The following STOX2 variants were observed in gnomAD, a reference collection of about 807,000 sequenced individuals.
STOX2 encodes the protein storkhead box 2.
In STOX2, 28 loss-of-function variants were observed where a neutral mutation model predicts 60.9. The observed-to-expected ratio is 0.46, with a 90% CI of 0.34 to 0.63. The LOEUF is 0.63. Among genes scored for constraint, STOX2 ranks in the 30% least tolerant of loss-of-function variants. The pLI, the probability that STOX2 is intolerant of heterozygous loss-of-function variation, is 0.01. For synonymous variants in STOX2, 472 were observed against 463.9 expected (o/e 1.02, Z -0.22); for missense variants, 1,024 against 1,187.7 (o/e 0.86, Z 2.03).
Position 183,821,551 on chromosome 4 carries a change from C to T in STOX2, c.364+23496C>T, listed in dbSNP as rs1485012018. On this transcript the variant is annotated intron_variant, in intron 1 of 2. Coordinates refer to the STOX2 transcript ENST00000513034. This position sits in a 1 kb window ranked among gnomAD's most constrained non-coding sequence, Gnocchi z 4.2. ...GCGAAGGTCATTGCTCACAGCTCCCCATCTTGCTGTGTCCTTTGTTCTGAT... is the reference window on the plus strand; with the variant it reads ...GCGAAGGTCATTGCTCACAGCTCCCTATCTTGCTGTGTCCTTTGTTCTGAT... Among the ~76,000 whole-genome samples the T allele has an allele frequency of 1.3e-5, 2 of 152,238 alleles. No homozygotes were observed. Among genetic ancestry groups the T allele is most frequent in the African/African-American group, 2.4e-5 (1 of 41,468 alleles).
chr4:183,920,064 G>A (rs549003988), intron 1 of STOX2, among the ~76,000 whole-genome samples: 19 of 152,052 alleles, frequency 1.2e-4, no homozygotes, highest in African/African-American at 3.1e-4. Context: ...CATACTCATC[G>A]GTATACTTTT....
intron 1 of STOX2, among the ~76,000 whole-genome samples, chr4:183,857,311 TA>T (rs1740313584): frequency 3.2e-5 from 4 of 125,444 alleles, no homozygotes; most frequent in Admixed American, 8.4e-5. Context: ...CAGGACTGGT[TA>T]TCCTGCAGTA....
At chr4:183,849,742 T>C (rs1740070868) in intron 1 of STOX2, among the ~76,000 whole-genome samples, 1 of 152,044 alleles carries the variant, frequency 6.6e-6, no homozygotes, top group Non-Finnish European at 1.5e-5. Flanking sequence ...TGGAGTGAGA[T>C]TGCGAAGGGA....
At chr4:183,918,465 G>A (rs1309149511) in intron 1 of STOX2, among the ~76,000 whole-genome samples, 1 of 152,212 alleles carries the variant, frequency 6.6e-6, no homozygotes, top group Non-Finnish European at 1.5e-5. Context: ...TTCAGTTGAA[G>A]GTAAAGGAGA....
At chr4:183,815,094 G>A (rs1739121620) in intron 1 of STOX2, among the ~76,000 whole-genome samples, 1 of 152,080 alleles carries the variant, frequency 6.6e-6, no homozygotes, top group Admixed American at 6.6e-5. Context: ...CCTGGCTCAG[G>A]TGATCCTCTG....
At position 183,828,165 on chromosome 4, in the gene STOX2, C is replaced by T. The variant is rs563721786; in HGVS notation, c.364+30110C>T. On this transcript the variant is annotated intron_variant, in intron 1 of 2. Coordinates refer to the STOX2 transcript ENST00000513034. ...TTTATTCAGCAAATGTTTATTGTGC[C>T]CATGTTTGCAAGGCACGGTTTGAGG... is the stretch of plus-strand genomic sequence containing the variant. Among the ~76,000 whole-genome samples the T allele has an allele frequency of 1.1e-4, 17 of 152,166 alleles. 1 individual carries two copies. The highest frequency in any genetic ancestry group is 4.1e-4 in the African/African-American group (17 of 41,516).
At chr4:183,850,957 G>T (rs1295138307) in intron 1 of STOX2, among the ~76,000 whole-genome samples, 2 of 136,596 alleles carry the variant, frequency 1.5e-5, no homozygotes, top group African/African-American at 5.4e-5. Flanking sequence ...TGAGGGAAAC[G>T]ATGAGGGAAA....
chr4:183,912,566 T>C (rs1036457582), intron 1 of STOX2, among the ~76,000 whole-genome samples: 1 of 152,182 alleles, frequency 6.6e-6, no homozygotes, highest in African/African-American at 2.4e-5. Flanking sequence ...TATGCCCCCT[T>C]CTCTTGCATC....
chr4:183,814,790 C>T (rs537540023), intron 1 of STOX2, among the ~76,000 whole-genome samples: 12 of 152,264 alleles, frequency 7.9e-5, no homozygotes, highest in Non-Finnish European at 1.8e-4. Context: ...TATTAAAATA[C>T]ATACAAAAAT....
chr4:184,004,122 GTATT>G (rs1338386789), intron 2 of STOX2, among the ~76,000 whole-genome samples: 6 of 152,014 alleles, frequency 3.9e-5, no homozygotes, highest in Admixed American at 3.9e-4. Context: ...TAAGAATAAA[GTATT>G]TAGTTCTTTT....
At chr4:183,917,767 A>G (rs1741974781) in intron 1 of STOX2, among the ~76,000 whole-genome samples, 1 of 152,224 alleles carries the variant, frequency 6.6e-6, no homozygotes, top group South Asian at 2.1e-4. Context: ...GTCTATGTTC[A>G]TCAAATGCCT....
At chr4:183,950,861 C>G (rs1013323532) in intron 1 of STOX2, among the ~76,000 whole-genome samples, 1 of 152,140 alleles carries the variant, frequency 6.6e-6, no homozygotes, top group Non-Finnish European at 1.5e-5. Flanking sequence ...GGGATGTTCA[C>G]TGGGGTCAGA....
chr4:183,909,986 G>T (rs1741733690), intron 1 of STOX2, among the ~76,000 whole-genome samples: 1 of 152,202 alleles, frequency 6.6e-6, no homozygotes, highest in South Asian at 2.1e-4. Context: ...CGAAGACTAT[G>T]CCTTATGTGA....
chr4:183,993,515 T>A (rs917745211), intron 1 of STOX2, among the ~76,000 whole-genome samples: 6 of 152,248 alleles, frequency 3.9e-5, no homozygotes, highest in Non-Finnish European at 8.8e-5. Flanking sequence ...GTTTACGCTC[T>A]CTTGATTAAA....
intron 1 of STOX2, among the ~76,000 whole-genome samples, chr4:183,845,626 G>A (rs1739967097): frequency 6.6e-6 from 1 of 152,158 alleles, no homozygotes; most frequent in Non-Finnish European, 1.5e-5. Context: ...GAGAAGTGAT[G>A]TGGAGAGGAT....
intron 1 of STOX2, among the ~76,000 whole-genome samples, chr4:183,930,819 T>C (rs1218013910): frequency 6.6e-6 from 1 of 152,190 alleles, no homozygotes. Context: ...TCAGTTGAAA[T>C]ACTGACCTAG....
intron 1 of STOX2, among the ~76,000 whole-genome samples, chr4:183,831,825 G>A (rs190136835): frequency 6.6e-6 from 1 of 152,162 alleles, no homozygotes; most frequent in East Asian, 1.9e-4. Flanking sequence ...CTAGGTGGCT[G>A]TAAACACGCC....
chr4:184,001,608 TC>T lies in STOX2; in HGVS notation c.319+133del. Reference sequence around the variant, plus strand: ...CTTCCCCAAAACTGACCCGAAGCTTTCCTTACTTCTGTAATTAAAAATTCAG... The same window carrying T: ...CTTCCCCAAAACTGACCCGAAGCTTTCTTACTTCTGTAATTAAAAATTCAG... On this transcript the variant is annotated intron_variant, in intron 2 of 3. Transcript: ENST00000308497. This position sits in a 1 kb window ranked among gnomAD's most constrained non-coding sequence, Gnocchi z 4.2. 2 of 830,226 alleles carry T rather than the reference TC, an allele frequency of 2.4e-6. No homozygotes were observed. Among genetic ancestry groups the T allele is most frequent in the Non-Finnish European group, 3.4e-6 (2 of 581,696 alleles). 51.4% of individuals were successfully genotyped at this position (830,226 alleles called of 1,614,324 possible).
At position 184,017,183 on chromosome 4, in the gene STOX2, C is replaced by G. The variant is rs1361618243; in HGVS notation, c.2680C>G (p.Pro894Ala). The change falls in exon 4 of 4, where the codon CCA (proline) becomes GCA (alanine). Residue 894 changes from proline (P) to alanine (A), a missense_variant. Physicochemically the swap from Pro to Ala is conservative, Grantham distance 27. Coordinates refer to ENST00000308497, the MANE Select transcript of STOX2 (RefSeq NM_020225.3). ...ALSPAHGGAG[P>A]AFNFRASAEP... Reference sequence around the variant, plus strand: ...GAGCCCGGCCCATGGTGGAGCTGGTCCAGCCTTCAACTTCCGAGCGAGCGC... The same window carrying G: ...GAGCCCGGCCCATGGTGGAGCTGGTGCAGCCTTCAACTTCCGAGCGAGCGC... 6.2e-7 allele frequency: 1 copy of G among 1,613,102 alleles called. No homozygotes were observed. The highest frequency in any genetic ancestry group is 8.5e-7 in the Non-Finnish European group (1 of 1,179,400).
Sources: allele counts gnomAD v4.1 joint callset (sites outside exome capture counted in the v4.1 genomes callset), GRCh38; gene constraint gnomAD v4.1.1; non-coding constraint Gnocchi (gnomAD v3.1); transcripts MANE v1.5; gene names NCBI Gene and HGNC (gene_info 2026-07-23, HGNC 2026-07-21).